Variants in FOCAD observed in about 807,000 individuals in gnomAD.
FOCAD encodes focadhesin, also known as KIAA1797.
Under a neutral mutation model 225.6 loss-of-function variants are expected in FOCAD, and 198 were observed. The ratio of observed to expected loss-of-function variants is 0.88; its 90% confidence interval spans 0.78 to 0.99. FOCAD has a LOEUF of 0.99. Ranked by LOEUF, FOCAD falls within the 50% of genes least tolerant of loss-of-function variation. The probability of loss-of-function intolerance (pLI) is 0.00; values close to 1 mark genes in which losing one functional copy is unlikely to be tolerated. For missense variants in FOCAD, 2,713 were observed against 2,123.6 expected (o/e 1.28, Z -5.46); for synonymous variants, 897 against 755.0 (o/e 1.19, Z -3.08).
At chr9:20,802,111 G>A (rs1159713896) in intron 11 of FOCAD, among the ~76,000 whole-genome samples, 1 of 152,136 alleles carries the variant, frequency 6.6e-6, no homozygotes, top group Non-Finnish European at 1.5e-5. Flanking sequence ...AGCCAGGCAG[G>A]TAGTTAAGAA....
intron 39 of FOCAD, among the ~76,000 whole-genome samples, chr9:20,983,164 G>C (rs943274436): frequency 6.6e-6 from 1 of 152,146 alleles, no homozygotes; most frequent in African/African-American, 2.4e-5. Flanking sequence ...GTGAGTTCTT[G>C]AGCCCCCATC....
chr9:20,809,410 T>C (rs950204995), intron 11 of FOCAD, among the ~76,000 whole-genome samples: 10 of 152,136 alleles, frequency 6.6e-5, no homozygotes, highest in Admixed American at 1.3e-4. Flanking sequence ...TTAATTTTAG[T>C]TAATTTAAAT....
chr9:20,727,784 A>T (rs541783749), intron 4 of FOCAD, among the ~76,000 whole-genome samples: 1 of 152,168 alleles, frequency 6.6e-6, no homozygotes, highest in African/African-American at 2.4e-5. Flanking sequence ...TTAAAAAGGG[A>T]CTTGGCCACA....
At chr9:20,679,125 G>A (rs933372285) in intron 2 of FOCAD, among the ~76,000 whole-genome samples, 14 of 62,506 alleles carry the variant, frequency 2.2e-4, no homozygotes, top group African/African-American at 9.4e-4. Flanking sequence ...CTGTGTATGT[G>A]TGTGTGTGTG....
chr9:20,773,172 A>G (rs933024060), intron 8 of FOCAD, among the ~76,000 whole-genome samples: 2 of 152,164 alleles, frequency 1.3e-5, no homozygotes, highest in Admixed American at 6.5e-5. Context: ...CCTTTTTAGT[A>G]TAATTCTCTG....
intron 15 of FOCAD, among the ~76,000 whole-genome samples, chr9:20,858,036 T>C (rs796608138): frequency 1.0e-4 from 12 of 120,400 alleles, no homozygotes; most frequent in Admixed American, 7.2e-4. Context: ...GTCAGAGATA[T>C]TGGCCTGTAG....
At chr9:20,769,291 G>A (rs1386007864) in intron 7 of FOCAD, among the ~76,000 whole-genome samples, 5 of 152,150 alleles carry the variant, frequency 3.3e-5, no homozygotes, top group South Asian at 2.1e-4. Context: ...CCGGTCAACC[G>A]TAGGCTTTCT....
In FOCAD at chr9:20,995,599, A is replaced by T. The variant is rs150941499; in HGVS notation, c.5376A>T (p.Lys1792Asn). The change falls in exon 44 of 44, where the codon AAA becomes AAT. Residue 1792 changes from lysine (K) to asparagine (N), a missense_variant. By Grantham distance (94) the Lys-to-Asn change is moderately conservative. Coordinates refer to ENST00000338382, the MANE Select transcript of FOCAD (RefSeq NM_001375567.1). ...GAGTTCTCCCAGAGTTTAAGAAGAA[A>T]GCTGTATGGACCAGAGCATATGGTT... ...SLRVLPEFKK[K>N]AVWTRAYGW 730 of 1,612,986 alleles carry T rather than the reference A, an allele frequency of 4.5e-4. No individual in the cohort carries two copies. The highest frequency in any genetic ancestry group is 5.9e-4 in the Non-Finnish European group (699 of 1,179,054).
At chr9:20,786,188 A>G (rs544408854) in intron 10 of FOCAD, among the ~76,000 whole-genome samples, 6 of 152,108 alleles carry the variant, frequency 3.9e-5, no homozygotes, top group Non-Finnish European at 7.4e-5. Context: ...ACAATATTTT[A>G]TCATCTTTGT....
intron 11 of FOCAD, among the ~76,000 whole-genome samples, chr9:20,795,567 C>T (rs1235653515): frequency 6.6e-6 from 1 of 151,710 alleles, no homozygotes; most frequent in African/African-American, 2.4e-5. Context: ...GGGCGGATCA[C>T]GAGGTCAGGA....
At chr9:20,787,296 T>C (rs1403572890) in intron 10 of FOCAD, among the ~76,000 whole-genome samples, 1 of 152,224 alleles carries the variant, frequency 6.6e-6, no homozygotes, top group Non-Finnish European at 1.5e-5. Context: ...AGCAATACTA[T>C]TTACCTGTAT....
chr9:20,715,161 A>T (rs1326528686), intron 1 of FOCAD, among the ~76,000 whole-genome samples, 161 bp from the exon 2 acceptor site: 1 of 152,210 alleles, frequency 6.6e-6, no homozygotes, highest in African/African-American at 2.4e-5. Context: ...GTGCTGGATG[A>T]CAATGAAGTT....
rs1265804918 is a variant in FOCAD at position 20,946,720 on chromosome 9, G to A, written c.3575G>A (p.Ser1192Asn). 6 of 1,613,262 alleles carry A rather than the reference G, an allele frequency of 3.7e-6. No individual in the cohort carries two copies. The Admixed American group carries it at 6.7e-5, about 18-fold the overall frequency. ...TCTCAGGTCCTTGCCTACACACTTA[G>A]CTGTGTATGTACATCAGCGTTCAGT... ...TFQEVLAYTL[S>N]CVCTSAFSAG... Residue 1192 changes from serine (S) to asparagine (N), a missense_variant, in exon 30 of 44, where the codon AGC (serine) becomes AAC (asparagine). Coordinates refer to ENST00000338382, the MANE Select transcript of FOCAD (RefSeq NM_001375567.1).
At chr9:20,977,542 A>G (rs7041057) in intron 36 of FOCAD, among the ~76,000 whole-genome samples, 111,408 of 152,120 alleles carry the variant, frequency 0.73, 41,019 homozygotes, top group East Asian at 0.94. Context: ...TAAGAAGGGG[A>G]GATGAAGAGC....
At chr9:20,866,888 C>CTTTTTTTTTTTTTTTGTTTTTTTT in intron 17 of FOCAD, 41 bp from the exon 18 acceptor site, 1 of 341,496 alleles carries the variant, frequency 2.9e-6, no homozygotes, top group Non-Finnish European at 4.2e-6. Flanking sequence ...TGTTTGCTTG[C>CTTTTTTTTTTTTTTTGTTTTTTTT]TTTTTTTTTT....
At chr9:20,685,872 G>A (rs1822634926) in intron 1 of FOCAD, among the ~76,000 whole-genome samples, 1 of 152,230 alleles carries the variant, frequency 6.6e-6, no homozygotes, top group Non-Finnish European at 1.5e-5. Context: ...TGGAGGAGGC[G>A]GAACACAGCC....
At chr9:20,873,651 G>A (rs767837265) in intron 18 of FOCAD, among the ~76,000 whole-genome samples, 3 of 151,876 alleles carry the variant, frequency 2.0e-5, no homozygotes, top group African/African-American at 7.3e-5. Flanking sequence ...CACTAGTTAT[G>A]GTTGAAAGGC....
At chr9:20,867,213 A>T (rs1340866258) in intron 18 of FOCAD, among the ~76,000 whole-genome samples, 4 of 151,910 alleles carry the variant, frequency 2.6e-5, no homozygotes, top group Non-Finnish European at 5.9e-5. Context: ...GACACCTATG[A>T]TGCAAATGAA....
intron 24 of FOCAD, among the ~76,000 whole-genome samples, chr9:20,919,727 C>A (rs199848494): frequency 2.8e-4 from 43 of 152,178 alleles, no homozygotes; most frequent in East Asian, 2.3e-3. Flanking sequence ...TTCCCTATTT[C>A]ATAAATGGTG....
Sources: gnomAD v4.1 joint callset for allele counts (sites outside exome capture counted in the v4.1 genomes callset) on GRCh38, gnomAD v4.1.1 for gene constraint, MANE v1.5 for transcripts, NCBI Gene and HGNC (gene_info 2026-07-23, HGNC 2026-07-21) for gene names.